The following PNLIP variants were observed in gnomAD, a reference collection of about 807,000 sequenced individuals.
PNLIP encodes the protein pancreatic triacylglycerol lipase.
A neutral mutation model predicts 57.1 loss-of-function variants in PNLIP; 49 were observed. The ratio of observed to expected loss-of-function variants is 0.86; its 90% CI spans 0.68 to 1.09. The LOEUF (loss-of-function observed/expected upper bound fraction) is 1.09. PNLIP is among the 50% of genes least tolerant of loss of function. PNLIP has a pLI of 0.00. For missense variants in PNLIP, 503 were observed against 570.2 expected, an observed-to-expected ratio of 0.88 and a Z score of 1.20; for synonymous variants, 209 against 200.4, an observed-to-expected ratio of 1.04 and a Z score of -0.36.
At chr10:116,562,227 T>G (rs1198824929) in intron 12 of PNLIP, among the ~76,000 whole-genome samples, 1 of 152,198 alleles carries the variant, frequency 6.6e-6, no homozygotes, top group African/African-American at 2.4e-5. Flanking sequence ...GCAAGCACTG[T>G]GCTTCTGTCA....
At chr10:116,551,290 CAAAA>C (rs5788172) in intron 5 of PNLIP, 58 bp downstream of exon 5, 1,104 of 541,272 alleles carry the variant, frequency 2.0e-3, no homozygotes, top group South Asian at 2.9e-3. Context: ...ATTATCTTTC[CAAAA>C]AAAAAAAAAA....
At chr10:116,548,249 C>A in intron 3 of PNLIP, 111 bp from the exon 4 acceptor site, 1 of 995,226 alleles carries the variant, frequency 1.0e-6, no homozygotes, top group South Asian at 1.7e-5. Flanking sequence ...AATCATTATT[C>A]ACAAGGATCC....
chr10:116,567,172 CTTTCTTTCT>C (rs1564728851), intron 12 of PNLIP, among the ~76,000 whole-genome samples: 1 of 141,310 alleles, frequency 7.1e-6, no homozygotes, highest in African/African-American at 2.8e-5. Flanking sequence ...CTTTCTTTCT[CTTTCTTTCT>C]TTTCTTTCTT....
chr10:116,558,110 A>G (rs549289123), intron 9 of PNLIP, among the ~76,000 whole-genome samples: 4 of 151,310 alleles, frequency 2.6e-5, no homozygotes, highest in African/African-American at 7.3e-5. Context: ...AAAAAGCCTG[A>G]CTTTTGAGCC....
chr10:116,561,033 A>C (rs1313916418), intron 11 of PNLIP, among the ~76,000 whole-genome samples: 5 of 152,232 alleles, frequency 3.3e-5, no homozygotes, highest in Non-Finnish European at 7.3e-5. Context: ...TTCAGAATTC[A>C]GTTTCTAAAT....
In PNLIP at chr10:116,548,475, T is replaced by G; in HGVS notation, c.317T>G (p.Val106Gly). Reference protein sequence around the residue: ...DKGEENWLANVCKNLFKVESV... With the variant: ...DKGEENWLANGCKNLFKVESV... ...GGAGAAGAAAACTGGCTGGCCAATG[T>G]GTGCAAGGTGAGATGTGGTCATCTC... Residue 106 changes from valine (V) to glycine (G), a missense_variant, in exon 4 of 13, where the codon GTG (valine) becomes GGG (glycine). Coordinates refer to ENST00000369221, the MANE Select transcript of PNLIP (RefSeq NM_000936.4). 1 of 1,613,618 alleles carries G rather than the reference T, an allele frequency of 6.2e-7. No individual in the cohort carries two copies. Among genetic ancestry groups the G allele is most frequent in the Non-Finnish European group, 8.5e-7 (1 of 1,179,770 alleles).
At chr10:116,553,034 C>G (rs1847212104) in intron 5 of PNLIP, among the ~76,000 whole-genome samples, 2 of 152,238 alleles carry the variant, frequency 1.3e-5, no homozygotes, top group Non-Finnish European at 2.9e-5. Context: ...TACTCCATGA[C>G]TTGCCCAGAG....
chr10:116,559,083 A>C (rs373357088), intron 9 of PNLIP, 71 bp from the exon 10 acceptor site: 6 of 1,547,982 alleles, frequency 3.9e-6, no homozygotes, highest in African/African-American at 2.8e-5. Context: ...GAATGGCGAC[A>C]ACATGTAGGA....
Position 116,555,172 on chromosome 10 carries a change from C to T in PNLIP, c.572-6C>T. 1 of 1,614,048 alleles carries T rather than the reference C, an allele frequency of 6.2e-7. No individual in the cohort carries two copies. The highest frequency in any genetic ancestry group is 1.3e-5 in the African/African-American group (1 of 75,012). ...CATAATTCATGAAACATACTCTTTA[C>T]TTTAGGGTTGGACCCAGCAGAACCT... On this transcript the variant is annotated splice_region_variant and splice_polypyrimidine_tract_variant and intron_variant, in intron 6 of 12. Transcript: ENST00000369221.
intron 2 of PNLIP, among the ~76,000 whole-genome samples, chr10:116,546,887 G>A (rs1430461661): frequency 3.3e-5 from 5 of 152,154 alleles, no homozygotes; most frequent in Admixed American, 3.3e-4. Context: ...GGGGATATAC[G>A]GTTTTGGCCT....
chr10:116,564,714 A>C (rs1847345970), intron 12 of PNLIP, among the ~76,000 whole-genome samples: 1 of 152,236 alleles, frequency 6.6e-6, no homozygotes, highest in African/African-American at 2.4e-5. Context: ...TATATGTATA[A>C]GTAAAATATA....
intron 2 of PNLIP, 65 bp downstream of exon 2, chr10:116,546,203 G>A: frequency 2.8e-6 from 4 of 1,403,544 alleles, no homozygotes; most frequent in Non-Finnish European, 4.0e-6. Flanking sequence ...GGAGGGCTAG[G>A]GCAGCTGAAT....
rs1847314438 is a variant in PNLIP at position 116,561,460 on chromosome 10, T to C, written c.1170-12T>C. 1.9e-6 allele frequency: 3 copies of C among 1,603,692 alleles called. No homozygotes were observed. Among genetic ancestry groups the C allele is most frequent in the Non-Finnish European group, 2.6e-6 (3 of 1,174,938 alleles). On this transcript the variant is annotated splice_polypyrimidine_tract_variant and intron_variant, in intron 11 of 12. Coordinates refer to ENST00000369221, the MANE Select transcript of PNLIP (RefSeq NM_000936.4). ...GCTCATGTATGTTTTTGTTAACTTC[T>C]TAAATCCTTAGGGGCACTCTCAAAC...
rs1435996053 is a variant in PNLIP, at chr10:116,559,222, G to A, written c.999G>A (p.Gly333=). 3.7e-6 allele frequency: 6 copies of A among 1,613,990 alleles called. No individual in the cohort carries two copies. In the South Asian group the frequency reaches 4.4e-5, roughly 12 times the overall value. The change falls in exon 10 of 13, where the codon GGG becomes GGA. Residue 333 remains glycine, a synonymous_variant. Transcript: ENST00000369221. ...GTCACTATGCTGATAGATATCCTGG[G>A]AAAACAAATGATGTGGGCCAGAAAT... ...QMGHYADRYP[G]KTNDVGQKFY... is the part of the protein sequence containing the mutation.
At position 116,556,068 on chromosome 10, in the gene PNLIP, C is replaced by T; in HGVS notation, c.880C>T (p.Pro294Ser). 6.2e-7 allele frequency: 1 copy of T among 1,613,872 alleles called. No homozygotes were observed. The highest frequency in any genetic ancestry group is 1.1e-5 in the South Asian group (1 of 91,074). The change falls in exon 9 of 13, where the codon CCT becomes TCT. Residue 294 changes from proline to serine, a missense_variant. By Grantham distance (74) the Pro-to-Ser change is moderately conservative. Coordinates refer to ENST00000369221, the MANE Select transcript of PNLIP (RefSeq NM_000936.4). ...YKYYTDSIVN[P>S]DGFAGFPCAS... Reference sequence around the variant, plus strand: ...ATATTACACTGATAGCATCGTCAACCCTGATGGCTTTGCTGGATTCCCCTG... The same window carrying T: ...ATATTACACTGATAGCATCGTCAACTCTGATGGCTTTGCTGGATTCCCCTG...
intron 12 of PNLIP, among the ~76,000 whole-genome samples, chr10:116,562,346 A>G (rs1364331365): frequency 6.6e-6 from 1 of 152,202 alleles, no homozygotes. Flanking sequence ...CAAAATTCAA[A>G]CAAAGTACAT....
chr10:116,565,767 G>T (rs1847360066), intron 12 of PNLIP, among the ~76,000 whole-genome samples: 1 of 151,154 alleles, frequency 6.6e-6, no homozygotes, highest in South Asian at 2.1e-4. Flanking sequence ...TACCCATGAG[G>T]CAAGAACACA....
chr10:116,546,884 T>C (rs1046946953), intron 2 of PNLIP, among the ~76,000 whole-genome samples: 1 of 152,194 alleles, frequency 6.6e-6, no homozygotes, highest in Non-Finnish European at 1.5e-5. Context: ...GATGGGGATA[T>C]ACGGTTTTGG....
intron 12 of PNLIP, among the ~76,000 whole-genome samples, chr10:116,565,054 G>A (rs1847350103): frequency 6.6e-6 from 1 of 151,762 alleles, no homozygotes; most frequent in Non-Finnish European, 1.5e-5. Flanking sequence ...AGGTCAGATC[G>A]AGACCATCAT....
Sources: gnomAD v4.1 joint callset for allele counts (sites outside exome capture counted in the v4.1 genomes callset) on GRCh38, gnomAD v4.1.1 for gene constraint, MANE v1.5 for transcripts, NCBI Gene and HGNC (gene_info 2026-07-23, HGNC 2026-07-21) for gene names.